ANO2: variants seen among roughly 807,000 people sequenced by gnomAD.
ANO2 encodes the protein anoctamin-2.
In ANO2, 101 loss-of-function variants were observed where a neutral mutation model predicts 124.2. The ratio of observed to expected loss-of-function variants is 0.81; its 90% CI spans 0.69 to 0.96. The LOEUF is 0.96. ANO2 is among the 40% of genes least tolerant of loss of function. ANO2 has a pLI of 0.00. For missense variants in ANO2, 1,293 were observed against 1,274.5 expected (o/e 1.01, Z -0.22); for synonymous variants, 486 against 482.5 (o/e 1.01, Z -0.09).
chr12:5,588,332 C>T (rs1943226776), intron 20 of ANO2, among the ~76,000 whole-genome samples: 1 of 152,200 alleles, frequency 6.6e-6, no homozygotes, highest in Non-Finnish European at 1.5e-5. Flanking sequence ...GAGGTCTAGC[C>T]AGTTAGGAAG....
chr12:5,691,836 A>G (rs1293348487), intron 14 of ANO2, among the ~76,000 whole-genome samples: 2 of 151,974 alleles, frequency 1.3e-5, no homozygotes, highest in East Asian at 3.9e-4. Context: ...CCAGGAGCAG[A>G]GCCTGCGGTG....
intron 13 of ANO2, chr12:5,732,981 G>C: frequency 7.5e-7 from 1 of 1,338,670 alleles, no homozygotes; most frequent in Non-Finnish European, 1.1e-6. Context: ...CAGAGGCAGA[G>C]GGATATCCCT....
At chr12:5,578,119 G>T in intron 21 of ANO2, 112 bp from the exon 22 acceptor site, 1 of 1,372,710 alleles carries the variant, frequency 7.3e-7, no homozygotes, top group Non-Finnish European at 1.0e-6. Context: ...GCTTTGCTGG[G>T]CCCCCCCAGA....
At chr12:5,655,511 C>T (rs1351532832) in intron 14 of ANO2, among the ~76,000 whole-genome samples, 3 of 152,168 alleles carry the variant, frequency 2.0e-5, no homozygotes, top group South Asian at 2.1e-4. Flanking sequence ...TGTATTGCTG[C>T]TAGTCAGGGA....
In ANO2 at chr12:5,737,877, A is replaced by G. The variant is rs1187967464; in HGVS notation, c.1434+1440T>C. The stretch of plus-strand genomic sequence containing the variant: ...TTGCTTATCTTCCTAAATAATTTGA[A>G]TCCTCTCTGAAGGCAGAATGCATAT... On this transcript the variant is annotated intron_variant, in intron 13 of 24. Coordinates refer to ENST00000682330, the MANE Select transcript of ANO2 (RefSeq NM_001364791.2). 2.6e-5 allele frequency among the ~76,000 whole-genome samples: 4 copies of G among 152,322 alleles called. No individual in the cohort carries two copies. In the South Asian group the frequency reaches 6.2e-4, roughly 24 times the overall value.
intron 14 of ANO2, among the ~76,000 whole-genome samples, chr12:5,669,443 G>A (rs947443581): frequency 8.5e-5 from 13 of 152,208 alleles, no homozygotes; most frequent in Non-Finnish European, 1.5e-4. Context: ...TTTTGGGGCT[G>A]AGATGATGGG....
intron 14 of ANO2, among the ~76,000 whole-genome samples, chr12:5,648,507 A>G (rs891558405): frequency 2.0e-5 from 3 of 152,156 alleles, no homozygotes; most frequent in African/African-American, 4.8e-5. Flanking sequence ...TTATCCTGCG[A>G]CAATCGTTAT....
intron 14 of ANO2, among the ~76,000 whole-genome samples, chr12:5,668,798 A>C (rs1947857682): frequency 6.6e-6 from 1 of 152,230 alleles, no homozygotes; most frequent in Non-Finnish European, 1.5e-5. Context: ...TTTATTAAAT[A>C]GGGAATCCTT....
intron 4 of ANO2, among the ~76,000 whole-genome samples, chr12:5,840,448 G>A (rs139228754): frequency 2.6e-5 from 4 of 152,064 alleles, no homozygotes; most frequent in Admixed American, 6.5e-5. Context: ...CCTGGGGTGC[G>A]GGGAATGAAG....
chr12:5,860,449 C>T (rs928827364), intron 3 of ANO2, among the ~76,000 whole-genome samples: 4 of 152,156 alleles, frequency 2.6e-5, no homozygotes, highest in African/African-American at 4.8e-5. Flanking sequence ...CAGTACCTGA[C>T]GTATAGTAAG....
intron 10 of ANO2, among the ~76,000 whole-genome samples, chr12:5,762,249 T>C (rs1328525713): frequency 6.6e-6 from 1 of 152,032 alleles, no homozygotes; most frequent in Non-Finnish European, 1.5e-5. Flanking sequence ...AAGGTTTAAC[T>C]TTACCTACTT....
chr12:5,922,146 A>G (rs1377221067), intron 2 of ANO2, among the ~76,000 whole-genome samples: 5 of 152,144 alleles, frequency 3.3e-5, no homozygotes, highest in Non-Finnish European at 5.9e-5. Context: ...GGGGAGGTGG[A>G]AAGAAGAGGA....
At chr12:5,710,584 T>C (rs924612810) in intron 14 of ANO2, among the ~76,000 whole-genome samples, 3 of 152,168 alleles carry the variant, frequency 2.0e-5, no homozygotes, top group African/African-American at 7.2e-5. Flanking sequence ...GAAAACCCTC[T>C]GAGTAATGTA....
chr12:5,721,661 A>C (rs1031153092), intron 14 of ANO2, among the ~76,000 whole-genome samples: 1 of 152,112 alleles, frequency 6.6e-6, no homozygotes, highest in African/African-American at 2.4e-5. Context: ...CCATGCCACC[A>C]TGCATAGCTA....
At chr12:5,828,192 G>C (rs1321555141) in intron 6 of ANO2, among the ~76,000 whole-genome samples, 5 of 152,210 alleles carry the variant, frequency 3.3e-5, no homozygotes, top group Non-Finnish European at 4.4e-5. Flanking sequence ...GTAGGGCACA[G>C]TGTCTGCCGC....
chr12:5,819,157 T>C (rs893575067), intron 7 of ANO2, among the ~76,000 whole-genome samples: 2 of 152,102 alleles, frequency 1.3e-5, no homozygotes, highest in South Asian at 2.1e-4. Context: ...CCTGAGGCAG[T>C]TGCCAGGCAA....
chr12:5,855,197 T>A (rs1375101760), intron 3 of ANO2, among the ~76,000 whole-genome samples: 1 of 152,208 alleles, frequency 6.6e-6, no homozygotes, highest in Non-Finnish European at 1.5e-5. Flanking sequence ...CTTGGTTTAG[T>A]GTTGAAGACT....
chr12:5,683,396 A>G (rs1164273850), intron 14 of ANO2, among the ~76,000 whole-genome samples: 1 of 152,174 alleles, frequency 6.6e-6, no homozygotes, highest in Non-Finnish European at 1.5e-5. Flanking sequence ...ACACCCTTTG[A>G]TACACAAAAA....
chr12:5,695,836 A>G (rs956689681), intron 14 of ANO2, among the ~76,000 whole-genome samples: 3 of 152,186 alleles, frequency 2.0e-5, no homozygotes, highest in Admixed American at 6.5e-5. Context: ...GCAAGACTCC[A>G]TCTCTAATAA....
Sources: allele counts gnomAD v4.1 joint callset (sites outside exome capture counted in the v4.1 genomes callset), GRCh38; gene constraint gnomAD v4.1.1; transcripts MANE v1.5; gene names NCBI Gene and HGNC (gene_info 2026-07-23, HGNC 2026-07-21).